DUS1L: variants seen among roughly 807,000 people sequenced by gnomAD.
DUS1L encodes the protein tRNA-dihydrouridine(16/17) synthase [NAD(P)(+)]-like.
DUS1L carries 56 observed loss-of-function variants against 61.2 expected under a neutral mutation model. The ratio of observed to expected loss-of-function variants is 0.92; its 90% CI spans 0.74 to 1.14. The LOEUF (loss-of-function observed/expected upper bound fraction) is 1.14, where lower values mean the gene tolerates loss of function less well. Among genes scored for constraint, DUS1L ranks in the 50% most tolerant of loss-of-function variants. The probability of loss-of-function intolerance (pLI) is 0.00; values close to 1 mark genes in which losing one functional copy is unlikely to be tolerated. For synonymous variants in DUS1L, 278 were observed against 259.5 expected (o/e 1.07, Z -0.69); for missense variants, 630 against 632.4 (o/e 1.00, Z 0.04).
rs200944932 is a variant in DUS1L, at chr17:82,060,109, C to T, written c.1023-16G>A. The T allele has an allele frequency of 1.1e-4, 185 of 1,609,270 alleles. No individual in the cohort carries two copies. The African/African-American group carries it at 1.8e-3, about 16-fold the overall frequency. On this transcript the variant is annotated splice_polypyrimidine_tract_variant and intron_variant, in intron 10 of 13. Coordinates refer to ENST00000306796, the MANE Select transcript of DUS1L (RefSeq NM_022156.5). ...CTCCCTGGGCCTGAGGGGAGGGCAG[C>T]GGGCAGAGCCCAAGGACACTGTGAG... is the stretch of plus-strand genomic sequence containing the variant.
chr17:82,061,047 G>C, intron 8 of DUS1L, 86 bp from the exon 9 acceptor site: 1 of 1,544,894 alleles, frequency 6.5e-7, no homozygotes, highest in Non-Finnish European at 8.8e-7. Flanking sequence ...GGGGACCTGT[G>C]TCTCTTCCTG....
chr17:82,064,740 C>A, intron 2 of DUS1L, 83 bp downstream of exon 2: 1 of 1,375,308 alleles, frequency 7.3e-7, no homozygotes, highest in South Asian at 1.3e-5. Context: ...AGTGATGTCC[C>A]GCCACAGAGA....
At position 82,064,823 on chromosome 17, in the gene DUS1L, C is replaced by T. The variant is rs776558414; in HGVS notation, c.237G>A (p.Gln79=). 2 of 1,607,614 alleles carry T rather than the reference C, an allele frequency of 1.2e-6. No individual in the cohort carries two copies. The highest frequency in any genetic ancestry group is 1.7e-6 in the Non-Finnish European group (2 of 1,177,518). The change falls in exon 2 of 14, where the codon CAG becomes CAA. Residue 79 remains glutamine, a splice_region_variant and synonymous_variant. Coordinates refer to ENST00000306796, the MANE Select transcript of DUS1L (RefSeq NM_022156.5). ...VCPEDRPLIV[Q]FCANDPEVFV... is the part of the protein sequence containing the mutation. ...CGCGGCCACAGCCCCTCCTGCGCAC[C>T]TGCACGATGAGGGGCCGGTCCTCGG... is the stretch of plus-strand genomic sequence containing the variant.
rs773190054 is a variant in DUS1L, at chr17:82,060,924, T to C, written c.880A>G (p.Lys294Glu). 1 of 1,611,106 alleles carries C rather than the reference T, an allele frequency of 6.2e-7. No individual in the cohort carries two copies. Among genetic ancestry groups the C allele is most frequent in the East Asian group, 2.2e-5 (1 of 44,878 alleles). ...GCGATGCCCTCCAGGGTCTTCACCTTGGCCAGCTCCTCTCGCAGCTCCTGG... is the reference window on the plus strand; with the variant it reads ...GCGATGCCCTCCAGGGTCTTCACCTCGGCCAGCTCCTCTCGCAGCTCCTGG... ...VHQELREELA[K>E]VKTLEGIAAV... The change falls in exon 9 of 14, where the codon AAG (lysine) becomes GAG (glutamate). Residue 294 changes from lysine (K) to glutamate (E), a missense_variant. Transcript: ENST00000306796.
At chr17:82,059,797 C>G (rs2033376239) in intron 11 of DUS1L, 151 bp downstream of exon 11, 2 of 1,145,810 alleles carry the variant, frequency 1.7e-6, no homozygotes, top group Admixed American at 2.1e-5. Flanking sequence ...CCAAGTCTGG[C>G]TGACTACTCC....
Position 82,062,842 on chromosome 17 carries a change from C to T in DUS1L, c.510+19G>A, listed in dbSNP as rs1307197496. On this transcript the variant is annotated intron_variant, in intron 5 of 13. Coordinates refer to ENST00000306796, the MANE Select transcript of DUS1L (RefSeq NM_022156.5). The stretch of plus-strand genomic sequence containing the variant: ...GGCCCAGCTGAGGCCCATGACACCC[C>T]CGCGAGCCCAGGGCTCACCTGGCAG... The T allele has an allele frequency of 6.2e-7, 1 of 1,602,072 alleles. No homozygotes were observed. Among genetic ancestry groups the T allele is most frequent in the Non-Finnish European group, 8.5e-7 (1 of 1,171,200 alleles).
Position 82,057,783 on chromosome 17 carries a change from CTGT to C in DUS1L, c.*329_*331del, listed in dbSNP as rs2033116177. The C allele has an allele frequency of 4.1e-6, 1 of 243,550 alleles. No individual in the cohort carries two copies. The highest frequency in any genetic ancestry group is 2.3e-5 in the African/African-American group (1 of 44,176). 15.1% of individuals were successfully genotyped at this position (243,550 alleles called of 1,614,324 possible). ...GATGCTGCCTTCATTTAGATGTATC[CTGT>C]TGTTCAGAAGCCCCCACTGGCCCCA... On this transcript the variant is annotated 3_prime_UTR_variant, in exon 14 of 14. Transcript: ENST00000306796.
chr17:82,064,393 GGA>G, intron 2 of DUS1L, 159 bp from the exon 3 acceptor site: 1 of 625,062 alleles, frequency 1.6e-6, no homozygotes, highest in Non-Finnish European at 2.8e-6. Context: ...GACAAAGCCG[GGA>G]GGAGTCCCCA....
At chr17:82,061,872 T>G in intron 6 of DUS1L, 29 bp downstream of exon 6, 1 of 1,594,728 alleles carries the variant, frequency 6.3e-7, no homozygotes, top group Non-Finnish European at 8.6e-7. Flanking sequence ...CCCCAAGGAC[T>G]GAGGGCTGTG....
chr17:82,058,435 G>A lies in DUS1L; in HGVS notation c.1207-19C>T, dbSNP rs569743283. On this transcript the variant is annotated intron_variant, in intron 12 of 13. Coordinates refer to ENST00000306796, the MANE Select transcript of DUS1L (RefSeq NM_022156.5). Reference sequence around the variant, plus strand: ...TGTTGCCCTGGGCACAGGAAATCTCGGGAGCCTGTGGCCAGCACCACTCCC... The same window carrying A: ...TGTTGCCCTGGGCACAGGAAATCTCAGGAGCCTGTGGCCAGCACCACTCCC... 1.5e-5 allele frequency: 22 copies of A among 1,479,476 alleles called. No homozygotes were observed. In the African/African-American group the frequency reaches 2.4e-4, roughly 16 times the overall value. 91.6% of individuals were successfully genotyped at this position (1,479,476 alleles called of 1,614,324 possible).
Position 82,062,953 on chromosome 17 carries a change from G to A in DUS1L, c.418C>T (p.Leu140Phe), listed in dbSNP as rs1382901381. The A allele has an allele frequency of 2.5e-6, 4 of 1,612,866 alleles. No individual in the cohort carries two copies. In the Admixed American group the frequency reaches 5.0e-5, roughly 20 times the overall value. Reference protein sequence around the residue: ...QRMILLAHEKLSVPVTCKIRV... With the variant: ...QRMILLAHEKFSVPVTCKIRV... ...ATTTTGCACGTGACAGGAACAGAGA[G>A]TTTCTCGTGGGCCAGCAAAACTGGG... is the stretch of plus-strand genomic sequence containing the variant. The change falls in exon 5 of 14, where the codon CTC becomes TTC. Residue 140 changes from leucine to phenylalanine, a missense_variant. Physicochemically the swap from Leu to Phe is conservative, Grantham distance 22 (BLOSUM62 0). Coordinates refer to ENST00000306796, the MANE Select transcript of DUS1L (RefSeq NM_022156.5).
intron 3 of DUS1L, 38 bp downstream of exon 3, chr17:82,064,088 C>T: frequency 2.5e-6 from 4 of 1,583,828 alleles, no homozygotes; most frequent in Non-Finnish European, 3.4e-6. Context: ...GGCTCTGGCC[C>T]CTGCCCCAGG....
At chr17:82,063,316 CAG>C in intron 4 of DUS1L, 150 bp downstream of exon 4, 1 of 1,062,220 alleles carries the variant, frequency 9.4e-7, no homozygotes, top group Admixed American at 1.9e-5. Context: ...CTCCTTCCAG[CAG>C]AGAGGCTGCT....
intron 1 of DUS1L, chr17:82,065,299 G>T: frequency 2.0e-6 from 1 of 504,446 alleles, no homozygotes; most frequent in Non-Finnish European, 3.5e-6. Context: ...ACCCTCCCTG[G>T]GGAGCGGGAC....
chr17:82,064,769 C>T, intron 2 of DUS1L, 54 bp downstream of exon 2: 1 of 1,455,396 alleles, frequency 6.9e-7, no homozygotes. Context: ...TTTCCCCAGG[C>T]ATTCCAGGAC....
At chr17:82,059,902 GTGA>G in intron 11 of DUS1L, 43 bp downstream of exon 11, 1 of 1,610,294 alleles carries the variant, frequency 6.2e-7, no homozygotes, top group Admixed American at 1.7e-5. Flanking sequence ...GAGGATGGGG[GTGA>G]TGAAGAGGCT....
At position 82,060,754 on chromosome 17, in the gene DUS1L, C is replaced by T. The variant is rs1417551898; in HGVS notation, c.969G>A (p.Lys323=). 6.2e-7 allele frequency: 1 copy of T among 1,612,796 alleles called. No individual in the cohort carries two copies. The highest frequency in any genetic ancestry group is 2.2e-5 in the East Asian group (1 of 44,856). The change falls in exon 10 of 14, where the codon AAG becomes AAA. Residue 323 remains lysine, a synonymous_variant. Coordinates refer to ENST00000306796, the MANE Select transcript of DUS1L (RefSeq NM_022156.5). ...QEEISRQEGA[K]PTGDLPFHWI... is the part of the protein sequence containing the mutation. ...AGTGGAAGGGCAAGTCGCCGGTGGG[C>T]TTCGCTCCCTCCTGCCTGGATATCT...
Position 82,060,054 on chromosome 17 carries a change from G to T in DUS1L, c.1062C>A (p.Ser354Arg). 1 of 1,613,520 alleles carries T rather than the reference G, an allele frequency of 6.2e-7. No individual in the cohort carries two copies. ...CCTCCTCTTCCTCCAGGGCCCGCTT[G>T]CTGCGCGCACCTGCCTTCTCCTTGC... Reference protein sequence around the residue: ...EGSKEKAGARSKRALEEEEGG... With the variant: ...EGSKEKAGARRKRALEEEEGG... The change falls in exon 11 of 14, where the codon AGC (serine) becomes AGA (arginine). Residue 354 changes from serine (S) to arginine (R), a missense_variant. Ser to Arg is a moderately radical substitution (Grantham distance 110). Transcript: ENST00000306796.
chr17:82,058,161 C>G lies in DUS1L; in HGVS notation c.1376G>C (p.Gly459Ala), dbSNP rs754372101. 6.3e-7 allele frequency: 1 copy of G among 1,597,744 alleles called. No homozygotes were observed. Among genetic ancestry groups the G allele is most frequent in the Non-Finnish European group, 8.6e-7 (1 of 1,168,788 alleles). ...ELQEPQPAAP[G>A]TPGGFSEVMG... is the part of the protein sequence containing the mutation. The stretch of plus-strand genomic sequence containing the variant: ...GACTTCGGAGAAGCCACCTGGTGTT[C>G]CAGGTGCTGCTGGCTGAGGCTCCTG... The change falls in exon 14 of 14, where the codon GGA becomes GCA. Residue 459 changes from glycine (G) to alanine (A), a missense_variant. Physicochemically the swap from Gly to Ala is moderately conservative, Grantham distance 60 (BLOSUM62 0). Coordinates refer to ENST00000306796, the MANE Select transcript of DUS1L (RefSeq NM_022156.5).
Sources: gnomAD v4.1 joint callset for allele counts on GRCh38, gnomAD v4.1.1 for gene constraint, MANE v1.5 for transcripts, NCBI Gene and HGNC (gene_info 2026-07-23, HGNC 2026-07-21) for gene names.